The following CTNNA2 variants were observed in gnomAD, a reference collection of about 807,000 sequenced individuals.
CTNNA2 encodes the protein catenin alpha 2.
A neutral mutation model predicts 101.0 loss-of-function variants in CTNNA2; 42 were observed. The observed-to-expected ratio is 0.42, with a 90% CI of 0.32 to 0.54. The LOEUF (loss-of-function observed/expected upper bound fraction) is 0.54. Ranked by LOEUF, CTNNA2 falls within the 20% of genes least tolerant of loss-of-function variation. CTNNA2 has a pLI of 0.14. For synonymous variants in CTNNA2, 450 were observed against 456.4 expected (o/e 0.99, Z 0.18); for missense variants, 871 against 1,223.1 (o/e 0.71, Z 4.29).
chr2:80,498,458 C>G (rs1399260203), intron 9 of CTNNA2, among the ~76,000 whole-genome samples: 1 of 152,210 alleles, frequency 6.6e-6, no homozygotes, highest in East Asian at 1.9e-4. Flanking sequence ...ATACCTTGAT[C>G]TTGAATGTTC....
rs1297842861 is a variant in CTNNA2, at chr2:79,724,912, G to C, written c.103-19475G>C. On this transcript the variant is annotated intron_variant, in intron 2 of 18. Coordinates refer to ENST00000402739, the MANE Select transcript of CTNNA2 (RefSeq NM_001282597.3). ...CAGCACATCAGCACGTCTACTCTGC[G>C]GTACTCCCTGGTCTTTACCCTGCTC... Among the ~76,000 whole-genome samples, 3 of 151,362 alleles carry C rather than the reference G, an allele frequency of 2.0e-5. No homozygotes were observed. The South Asian group carries it at 6.2e-4, about 32-fold the overall frequency.
chr2:79,377,279 C>T (rs1008600504), intron 4 of CTNNA2, among the ~76,000 whole-genome samples: 1 of 152,096 alleles, frequency 6.6e-6, no homozygotes, highest in African/African-American at 2.4e-5. Flanking sequence ...TAACCCCATC[C>T]CAACAATAAG....
chr2:79,673,428 A>T lies in CTNNA2; in HGVS notation c.102+21770A>T, dbSNP rs547911392. ...TGGGATTAAAGTACAATAATAAATTATAGCTTTGTAGGAGATCAGGTTAAA... is the reference window on the plus strand; with the variant it reads ...TGGGATTAAAGTACAATAATAAATTTTAGCTTTGTAGGAGATCAGGTTAAA... On this transcript the variant is annotated intron_variant, in intron 2 of 18. Transcript: ENST00000402739. Among the ~76,000 whole-genome samples, 3 of 152,320 alleles carry T rather than the reference A, an allele frequency of 2.0e-5. No homozygotes were observed. In the East Asian group the frequency reaches 5.8e-4, roughly 29 times the overall value.
rs569340830 is a variant in CTNNA2, at chr2:80,509,652, A to C, written c.1291-35330A>C. ...GCACAGTACTACCAATGAGAGAAGGAGGAACCCAGGGCCCTTCTATCACCC... is the reference window on the plus strand; with the variant it reads ...GCACAGTACTACCAATGAGAGAAGGCGGAACCCAGGGCCCTTCTATCACCC... On this transcript the variant is annotated intron_variant, in intron 9 of 18. Coordinates refer to ENST00000402739, the MANE Select transcript of CTNNA2 (RefSeq NM_001282597.3). Among the ~76,000 whole-genome samples, 28 of 152,276 alleles carry C rather than the reference A, an allele frequency of 1.8e-4. 1 individual carries two copies. In the Middle Eastern group the frequency reaches 0.017, roughly 92 times the overall value.
chr2:79,234,554 A>G (rs540258384), intron 2 of CTNNA2, among the ~76,000 whole-genome samples: 3 of 152,134 alleles, frequency 2.0e-5, no homozygotes, highest in African/African-American at 7.2e-5. Flanking sequence ...GGAGTTCTCT[A>G]TATTTTTTGA....
chr2:79,673,818 C>T (rs1162831207), intron 2 of CTNNA2, among the ~76,000 whole-genome samples: 2 of 152,134 alleles, frequency 1.3e-5, no homozygotes, highest in Non-Finnish European at 2.9e-5. Context: ...TTTCCTTAGT[C>T]TCCCTCTGTC....
At chr2:80,212,998 C>T (rs1177403628) in intron 7 of CTNNA2, among the ~76,000 whole-genome samples, 2 of 152,120 alleles carry the variant, frequency 1.3e-5, no homozygotes, top group Admixed American at 1.3e-4. Context: ...AGTTTATTTG[C>T]ACAGAGGTGT....
At chr2:80,338,302 C>T (rs202132049) in intron 7 of CTNNA2, among the ~76,000 whole-genome samples, 10,076 of 133,938 alleles carry the variant, frequency 0.075, 382 homozygotes, top group Non-Finnish European at 0.091. Context: ...TTTTCTTTTT[C>T]TTTTTTTTTT....
intron 7 of CTNNA2, among the ~76,000 whole-genome samples, chr2:79,963,199 T>G (rs1316639228): frequency 6.6e-6 from 1 of 152,082 alleles, no homozygotes; most frequent in East Asian, 1.9e-4. Context: ...TAAAATGCCC[T>G]GAAGTCTCAC....
intron 1 of CTNNA2, among the ~76,000 whole-genome samples, chr2:79,578,950 C>T (rs910544826): frequency 3.3e-5 from 5 of 152,092 alleles, no homozygotes; most frequent in African/African-American, 9.7e-5. Flanking sequence ...AGTCTACTTA[C>T]ATCATGTTGT....
intron 7 of CTNNA2, among the ~76,000 whole-genome samples, chr2:80,372,392 G>A (rs1391951326): frequency 7.3e-6 from 1 of 136,880 alleles, no homozygotes; most frequent in Non-Finnish European, 1.6e-5. Context: ...TTAAGCTGTT[G>A]GCTACTTTAG....
chr2:80,144,060 G>T (rs1306019141), intron 7 of CTNNA2, among the ~76,000 whole-genome samples: 1 of 152,152 alleles, frequency 6.6e-6, no homozygotes, highest in Admixed American at 6.6e-5. Flanking sequence ...TATATTTGAT[G>T]ATGCTGCCTT....
At chr2:80,384,335 G>GACACAAAATGTGTC (rs990889943) in intron 7 of CTNNA2, among the ~76,000 whole-genome samples, 2 of 151,218 alleles carry the variant, frequency 1.3e-5, no homozygotes, top group African/African-American at 4.9e-5. Context: ...TAATGTGTGT[G>GACACAAAATGTGTC]ACACAAAATG....
chr2:80,505,199 A>G (rs1238003022), intron 9 of CTNNA2, among the ~76,000 whole-genome samples: 2 of 152,252 alleles, frequency 1.3e-5, no homozygotes, highest in East Asian at 1.9e-4. Context: ...TCCTGATGAC[A>G]TGAAGTTTGA....
chr2:79,845,576 G>A (rs567381090), intron 3 of CTNNA2, among the ~76,000 whole-genome samples: 1 of 152,158 alleles, frequency 6.6e-6, no homozygotes, highest in African/African-American at 2.4e-5. Flanking sequence ...CAAGGTTGAT[G>A]TTTGTTTTAA....
chr2:80,149,641 C>A (rs547561768), intron 7 of CTNNA2, among the ~76,000 whole-genome samples: 12 of 152,288 alleles, frequency 7.9e-5, no homozygotes, highest in African/African-American at 2.6e-4. Context: ...GTAGGCCTAG[C>A]AGCATTAACT....
chr2:80,373,907 C>T (rs1675681654), intron 7 of CTNNA2, among the ~76,000 whole-genome samples: 6 of 152,170 alleles, frequency 3.9e-5, no homozygotes, highest in Admixed American at 3.9e-4. Context: ...CACATCCTCC[C>T]TACCTGTCCT....
chr2:80,045,267 C>T (rs1250479483), intron 7 of CTNNA2, among the ~76,000 whole-genome samples: 1 of 152,182 alleles, frequency 6.6e-6, no homozygotes, highest in Non-Finnish European at 1.5e-5. Context: ...ACAGACACCT[C>T]ATCTATCACT....
At chr2:79,252,041 C>T (rs1407372512) in intron 2 of CTNNA2, among the ~76,000 whole-genome samples, 2 of 152,142 alleles carry the variant, frequency 1.3e-5, no homozygotes, top group Non-Finnish European at 2.9e-5. Context: ...AAGAATTCAA[C>T]ACAGATCAAA....
Sources: gnomAD v4.1 joint callset for allele counts (sites outside exome capture counted in the v4.1 genomes callset) on GRCh38, gnomAD v4.1.1 for gene constraint, MANE v1.5 for transcripts, NCBI Gene and HGNC (gene_info 2026-07-23, HGNC 2026-07-21) for gene names.